FBXW7: variants seen among roughly 807,000 people sequenced by gnomAD.
The protein encoded by FBXW7 is F-box and WD repeat domain containing 7, also known as F-box/WD repeat-containing protein 7.
FBXW7 carries 11 observed loss-of-function variants against 86.3 expected under a neutral mutation model. That is an observed-to-expected ratio of 0.13 (90% CI 0.08 to 0.21). The LOEUF is 0.21. Among genes scored for constraint, FBXW7 ranks in the 10% least tolerant of loss-of-function variants. The probability of loss-of-function intolerance (pLI) is 1.00; values close to 1 mark genes in which losing one functional copy is unlikely to be tolerated. For synonymous variants in FBXW7, 313 were observed against 297.9 expected (o/e 1.05, Z -0.52); for missense variants, 488 against 847.4 (o/e 0.58, Z 5.27).
In FBXW7 at chr4:152,535,823, G is replaced by C. The variant is rs1342131872; in HGVS notation, c.-909C>G. On this transcript the variant is annotated 5_prime_UTR_variant, in exon 1 of 14. Coordinates refer to ENST00000281708, the MANE Select transcript of FBXW7 (RefSeq NM_001349798.2). ...AAGCCGCCGGCTCCGGCTCAGGCTC[G>C]GGCTCCGGCTCTGGCTCCGGCTCCG... 7.6e-6 allele frequency: 3 copies of C among 392,378 alleles called. No homozygotes were observed. Among genetic ancestry groups the C allele is most frequent in the African/African-American group, 2.1e-5 (1 of 48,138 alleles). The allele number at this position is 392,378 out of a possible 1,614,324, so 24.3% of individuals were successfully genotyped here.
At chr4:152,384,856 T>C (rs1735399435) in intron 4 of FBXW7, among the ~76,000 whole-genome samples, 1 of 151,898 alleles carries the variant, frequency 6.6e-6, no homozygotes, top group African/African-American at 2.4e-5. Context: ...GAGAATGATA[T>C]CCAAGATACC....
At chr4:152,405,044 A>G (rs1290057276) in intron 4 of FBXW7, among the ~76,000 whole-genome samples, 1 of 137,296 alleles carries the variant, frequency 7.3e-6, no homozygotes, top group East Asian at 2.4e-4. Flanking sequence ...GTGAGCCATG[A>G]TTATGCCACT....
At chr4:152,340,045 A>T (rs984453374) in intron 6 of FBXW7, among the ~76,000 whole-genome samples, 2 of 152,120 alleles carry the variant, frequency 1.3e-5, no homozygotes, top group African/African-American at 2.4e-5. Flanking sequence ...ACTAATTCAG[A>T]CCTAAGCTAA....
At chr4:152,374,300 G>C (rs940792314) in intron 4 of FBXW7, among the ~76,000 whole-genome samples, 3 of 151,566 alleles carry the variant, frequency 2.0e-5, no homozygotes, top group African/African-American at 7.3e-5. Flanking sequence ...TGATATTTAG[G>C]AGCTACTCTA....
intron 2 of FBXW7, among the ~76,000 whole-genome samples, chr4:152,464,180 G>A (rs1403881697): frequency 6.6e-6 from 1 of 152,140 alleles, no homozygotes; most frequent in Non-Finnish European, 1.5e-5. Context: ...TCAAACTTCA[G>A]AAAGTAATTG....
At chr4:152,517,994 T>C (rs922009950) in intron 2 of FBXW7, among the ~76,000 whole-genome samples, 2 of 152,196 alleles carry the variant, frequency 1.3e-5, no homozygotes, top group South Asian at 2.1e-4. Context: ...CTTATTTTTT[T>C]CTTTTTTTCT....
intron 2 of FBXW7, among the ~76,000 whole-genome samples, chr4:152,426,716 G>A (rs912997496): frequency 6.6e-6 from 1 of 152,184 alleles, no homozygotes; most frequent in African/African-American, 2.4e-5. Context: ...TAACAGACAA[G>A]TGTAGTGGGC....
At chr4:152,528,567 G>A (rs1464962418) in intron 2 of FBXW7, among the ~76,000 whole-genome samples, 2 of 152,166 alleles carry the variant, frequency 1.3e-5, no homozygotes, top group East Asian at 3.8e-4. Context: ...TCCAGATCAA[G>A]TGCTCAAACT....
chr4:152,477,806 T>C (rs1744546998), intron 2 of FBXW7, among the ~76,000 whole-genome samples: 1 of 152,154 alleles, frequency 6.6e-6, no homozygotes, highest in South Asian at 2.1e-4. Context: ...CAGAAAGTGT[T>C]TTTTAATCTG....
chr4:152,418,532 C>A (rs1444017429), intron 2 of FBXW7, among the ~76,000 whole-genome samples: 1 of 152,152 alleles, frequency 6.6e-6, no homozygotes, highest in African/African-American at 2.4e-5. Context: ...GATTTTCCTT[C>A]ACTTGAACAC....
At chr4:152,356,571 G>C in intron 4 of FBXW7, among the ~76,000 whole-genome samples, 1 of 152,156 alleles carries the variant, frequency 6.6e-6, no homozygotes, top group East Asian at 1.9e-4. Flanking sequence ...CTTGCCCTGA[G>C]CACAGAATTT....
intron 2 of FBXW7, among the ~76,000 whole-genome samples, chr4:152,531,283 G>A (rs541001154): frequency 1.3e-5 from 2 of 152,122 alleles, no homozygotes; most frequent in Non-Finnish European, 2.9e-5. Context: ...GCCTCCATAT[G>A]GCATATAATC....
At chr4:152,363,648 T>C (rs2126708043) in intron 4 of FBXW7, among the ~76,000 whole-genome samples, 1 of 152,292 alleles carries the variant, frequency 6.6e-6, no homozygotes, top group Middle Eastern at 3.4e-3. Flanking sequence ...AATAAGCAAC[T>C]CCTTTTCAAA....
chr4:152,340,790 C>G (rs982692870), intron 6 of FBXW7, among the ~76,000 whole-genome samples: 3 of 152,032 alleles, frequency 2.0e-5, no homozygotes, highest in Admixed American at 6.6e-5. Flanking sequence ...TATGTTGTTG[C>G]TTTTTCAACA....
intron 2 of FBXW7, among the ~76,000 whole-genome samples, chr4:152,449,205 G>A (rs1256145698): frequency 6.6e-6 from 1 of 152,136 alleles, no homozygotes; most frequent in Non-Finnish European, 1.5e-5. Flanking sequence ...AATACTCACA[G>A]TAAGAATAAT....
intron 2 of FBXW7, among the ~76,000 whole-genome samples, chr4:152,492,568 A>G (rs1000550366): frequency 6.6e-6 from 1 of 152,156 alleles, no homozygotes; most frequent in Non-Finnish European, 1.5e-5. Flanking sequence ...TACCCCTTCT[A>G]GTTGGTTTTA....
intron 2 of FBXW7, among the ~76,000 whole-genome samples, chr4:152,523,668 G>A (rs766527044): frequency 2.0e-5 from 3 of 152,162 alleles, no homozygotes; most frequent in South Asian, 2.1e-4. Flanking sequence ...TCTATGATAC[G>A]CTTTTAGGGT....
intron 9 of FBXW7, among the ~76,000 whole-genome samples, chr4:152,330,189 A>G (rs1239366776): frequency 1.3e-5 from 2 of 151,930 alleles, no homozygotes; most frequent in Non-Finnish European, 2.9e-5. Flanking sequence ...AAAACAAAAA[A>G]AATCATAATA....
intron 4 of FBXW7, among the ~76,000 whole-genome samples, chr4:152,406,560 A>G (rs1019847859): frequency 1.3e-5 from 2 of 152,244 alleles, no homozygotes; most frequent in Non-Finnish European, 2.9e-5. Context: ...GAAATTAACC[A>G]TGAGCTAAAA....
Sources: gnomAD v4.1 joint callset for allele counts (sites outside exome capture counted in the v4.1 genomes callset) on GRCh38, gnomAD v4.1.1 for gene constraint, MANE v1.5 for transcripts, NCBI Gene and HGNC (gene_info 2026-07-23, HGNC 2026-07-21) for gene names.